KCNMA1: variants seen among roughly 807,000 people sequenced by gnomAD.
KCNMA1 encodes Calcium-activated potassium channel subunit alpha-1.
KCNMA1 carries 29 observed loss-of-function variants against 140.0 expected under a neutral mutation model. That is an observed-to-expected ratio of 0.21 (90% CI 0.15 to 0.28). KCNMA1 has a LOEUF of 0.28. Among genes scored for constraint, KCNMA1 ranks in the 10% least tolerant of loss-of-function variants. The pLI is 1.00. For synonymous variants in KCNMA1, 612 were observed against 611.9 expected, an observed-to-expected ratio of 1.00 and a Z score of 0.00; for missense variants, 880 against 1,602.2, an observed-to-expected ratio of 0.55 and a Z score of 7.70.
intron 13 of KCNMA1, among the ~76,000 whole-genome samples, chr10:77,078,329 C>A (rs1365090064): frequency 2.6e-5 from 4 of 152,162 alleles, no homozygotes; most frequent in Non-Finnish European, 4.4e-5. Context: ...GTGCCACCTT[C>A]CCTCCCCTAA....
At chr10:77,511,243 C>T (rs944742356) in intron 1 of KCNMA1, among the ~76,000 whole-genome samples, 1 of 152,182 alleles carries the variant, frequency 6.6e-6, no homozygotes, top group African/African-American at 2.4e-5. Flanking sequence ...ATGCTGTTGA[C>T]CCAGGGACCC....
At chr10:76,871,072 C>T (rs2031222032) in exon 28 of KCNMA1, 2 of 152,266 alleles carry the variant, frequency 1.3e-5, no homozygotes, top group Non-Finnish European at 2.9e-5. Context: ...AACACATCTG[C>T]CAGCTGATCT....
intron 14 of KCNMA1, among the ~76,000 whole-genome samples, chr10:77,043,294 T>C (rs2094844259): frequency 6.6e-6 from 1 of 152,210 alleles, no homozygotes; most frequent in African/African-American, 2.4e-5. Flanking sequence ...ATAGTCAATA[T>C]GTTTTTGAGG....
chr10:77,494,193 C>A (rs992493709), intron 1 of KCNMA1, among the ~76,000 whole-genome samples: 1 of 152,244 alleles, frequency 6.6e-6, no homozygotes. Flanking sequence ...AAACTCACCA[C>A]GTTGCCTTTG....
In KCNMA1 at chr10:77,346,541, T is replaced by C. The variant is rs1336674489; in HGVS notation, c.540+57321A>G. On this transcript the variant is annotated intron_variant, in intron 2 of 27. Transcript: ENST00000286628. ...AGATTAGAAACAAATTCAAATGCAC[T>C]CTCTCATTTTCCTGTAATACACTGG... Among the ~76,000 whole-genome samples the C allele has an allele frequency of 2.0e-5, 3 of 152,298 alleles. No homozygotes were observed. In the South Asian group the frequency reaches 6.2e-4, roughly 32 times the overall value.
At chr10:77,057,697 A>G (rs2095590198) in intron 14 of KCNMA1, among the ~76,000 whole-genome samples, 1 of 152,022 alleles carries the variant, frequency 6.6e-6, no homozygotes, top group African/African-American at 2.4e-5. Context: ...AAAGTTAAGT[A>G]TGTACATTAC....
intron 14 of KCNMA1, among the ~76,000 whole-genome samples, chr10:77,054,168 C>T (rs1031783694): frequency 6.6e-6 from 1 of 152,090 alleles, no homozygotes; most frequent in African/African-American, 2.4e-5. Context: ...ATACCCAATC[C>T]CATTCTGAAG....
At chr10:77,608,053 G>A (rs559656777) in intron 1 of KCNMA1, among the ~76,000 whole-genome samples, 39 of 152,148 alleles carry the variant, frequency 2.6e-4, no homozygotes, top group Middle Eastern at 6.8e-3. Flanking sequence ...AGTCCTCCCC[G>A]TCCTTCCAGC....
Position 77,075,840 on chromosome 10 carries a change from C to T in KCNMA1, c.1594-2588G>A, listed in dbSNP as rs543423865. 9.1e-4 allele frequency among the ~76,000 whole-genome samples: 138 copies of T among 152,250 alleles called. 1 individual carries two copies. Among genetic ancestry groups the T allele is most frequent in the African/African-American group, 1.9e-3 (77 of 41,546 alleles). ...ATAAATCCTTTGTTTCTGGAAACTT[C>T]GTCCTTTTCCATTTGAAGTAAATTG... On this transcript the variant is annotated intron_variant, in intron 13 of 27. Coordinates refer to ENST00000286628, the MANE Select transcript of KCNMA1 (RefSeq NM_001161352.2).
intron 2 of KCNMA1, among the ~76,000 whole-genome samples, chr10:77,398,100 AT>A (rs1350683268): frequency 6.7e-6 from 1 of 149,448 alleles, no homozygotes; most frequent in Admixed American, 6.7e-5. Flanking sequence ...TCTTTATTTA[AT>A]CATCCACTGA....
chr10:77,415,931 T>C (rs139629296), intron 1 of KCNMA1, among the ~76,000 whole-genome samples: 2 of 152,394 alleles, frequency 1.3e-5, no homozygotes, highest in African/African-American at 4.8e-5. Flanking sequence ...GGTATTAACA[T>C]GTCCTTTTAA....
chr10:77,141,908 G>A lies in KCNMA1; in HGVS notation c.809-20860C>T, dbSNP rs547282325. Among the ~76,000 whole-genome samples the A allele has an allele frequency of 2.0e-5, 3 of 152,322 alleles. No homozygotes were observed. In the East Asian group the frequency reaches 5.8e-4, roughly 29 times the overall value. The stretch of plus-strand genomic sequence containing the variant: ...ATTAGTTCATTCACCTGACCATGAC[G>A]TATTGAGCATCTATTATGTGCCAAG... On this transcript the variant is annotated intron_variant, in intron 5 of 27. Coordinates refer to ENST00000286628, the MANE Select transcript of KCNMA1 (RefSeq NM_001161352.2).
intron 1 of KCNMA1, among the ~76,000 whole-genome samples, chr10:77,473,596 G>A (rs2098215522): frequency 6.6e-6 from 1 of 152,196 alleles, no homozygotes; most frequent in Admixed American, 6.5e-5. Context: ...CAGGCTCCCT[G>A]GCACAGGAGG....
chr10:77,127,696 G>C (rs988339173), intron 5 of KCNMA1, among the ~76,000 whole-genome samples: 7 of 152,092 alleles, frequency 4.6e-5, no homozygotes, highest in African/African-American at 1.7e-4. Context: ...TTTGAGGTCG[G>C]GCATGGTGGC....
At chr10:77,202,995 C>T (rs2042932526) in intron 3 of KCNMA1, among the ~76,000 whole-genome samples, 3 of 152,138 alleles carry the variant, frequency 2.0e-5, no homozygotes, top group Admixed American at 2.0e-4. Context: ...AATGAATATC[C>T]AGGAAGAGCC....
At chr10:77,276,085 G>A (rs1158473687) in intron 2 of KCNMA1, among the ~76,000 whole-genome samples, 1 of 152,142 alleles carries the variant, frequency 6.6e-6, no homozygotes, top group South Asian at 2.1e-4. Flanking sequence ...GTCAACATGA[G>A]TACCACAGTC....
chr10:76,889,168 T>A (rs1000455950), intron 27 of KCNMA1, among the ~76,000 whole-genome samples: 1 of 152,098 alleles, frequency 6.6e-6, no homozygotes, highest in African/African-American at 2.4e-5. Flanking sequence ...GTAGCTAGAG[T>A]TTGGGAGAGA....
At chr10:77,256,729 T>C (rs1330147606) in intron 2 of KCNMA1, among the ~76,000 whole-genome samples, 1 of 152,168 alleles carries the variant, frequency 6.6e-6, no homozygotes, top group Non-Finnish European at 1.5e-5. Context: ...AGGGTTTATC[T>C]GCCTACTGAA....
chr10:77,404,006 G>A lies in KCNMA1; in HGVS notation c.396C>T (p.Asn132=). The A allele has an allele frequency of 6.2e-7, 1 of 1,614,138 alleles. No homozygotes were observed. Among genetic ancestry groups the A allele is most frequent in the Non-Finnish European group, 8.5e-7 (1 of 1,180,040 alleles). ...GGKTKEAQKI[N]NGSSQADGTL... is the part of the protein sequence containing the mutation. ...TGCCATCCGCCTGGCTTGAGCCATT[G>A]TTAATCTTCTGGGCCTCCTGGCAAC... Residue 132 remains asparagine (N), a synonymous_variant, in exon 2 of 28, where the codon AAC becomes AAT. Transcript: ENST00000286628.
Sources: allele counts gnomAD v4.1 joint callset (sites outside exome capture counted in the v4.1 genomes callset), GRCh38; gene constraint gnomAD v4.1.1; transcripts MANE v1.5; gene names NCBI Gene and HGNC (gene_info 2026-07-23, HGNC 2026-07-21).